The following RPH3AL variants were observed in gnomAD, a reference collection of about 807,000 sequenced individuals.
The protein encoded by RPH3AL is rab effector Noc2.
A neutral mutation model predicts 43.1 loss-of-function variants in RPH3AL; 38 were observed. The observed-to-expected ratio is 0.88, with a 90% confidence interval of 0.68 to 1.15. The LOEUF (loss-of-function observed/expected upper bound fraction) is 1.15, where lower values mean the gene tolerates loss of function less well. Among genes scored for constraint, RPH3AL ranks in the 50% most tolerant of loss-of-function variants. The pLI is 0.00. For synonymous variants in RPH3AL, 189 were observed against 176.3 expected, an observed-to-expected ratio of 1.07 and a Z score of -0.57; for missense variants, 462 against 423.2, an observed-to-expected ratio of 1.09 and a Z score of -0.81.
At position 246,924 on chromosome 17, in the gene RPH3AL, C is replaced by T. The variant is rs1321653825; in HGVS notation, c.613+187G>A. 1.3e-5 allele frequency among the ~76,000 whole-genome samples: 2 copies of T among 152,246 alleles called. No individual in the cohort carries two copies. Among genetic ancestry groups the T allele is most frequent in the Non-Finnish European group, 2.9e-5 (2 of 68,044 alleles). On this transcript the variant is annotated intron_variant, in intron 7 of 9. Transcript: ENST00000331302. This position sits in a 1 kb window ranked among gnomAD's most constrained non-coding sequence, Gnocchi z 4.8. Reference sequence around the variant, plus strand: ...ACTCCTGCACAGAGCGAACAGTCACCTGCTGGAGGTCCCCGCTGCTCACTC... The same window carrying T: ...ACTCCTGCACAGAGCGAACAGTCACTTGCTGGAGGTCCCCGCTGCTCACTC...
At chr17:228,306 G>A (rs1194232396) in intron 7 of RPH3AL, among the ~76,000 whole-genome samples, 1 of 152,142 alleles carries the variant, frequency 6.6e-6, no homozygotes, top group Non-Finnish European at 1.5e-5. Flanking sequence ...GTCTCCCAAA[G>A]TGCTGAGATT....
At chr17:351,888 G>A (rs1598179949) in intron 1 of RPH3AL, among the ~76,000 whole-genome samples, 1 of 152,302 alleles carries the variant, frequency 6.6e-6, no homozygotes, top group Middle Eastern at 3.4e-3. Context: ...GCCTGACGAG[G>A]TAAACCTATA....
chr17:284,390 C>T (rs952085056), intron 5 of RPH3AL, among the ~76,000 whole-genome samples: 6 of 152,254 alleles, frequency 3.9e-5, no homozygotes, highest in East Asian at 3.9e-4. Context: ...CAGGCTGGTG[C>T]GCACGGCTCT....
chr17:317,295 T>C (rs111764301), intron 5 of RPH3AL, among the ~76,000 whole-genome samples: 10,401 of 129,596 alleles, frequency 0.08, 1,009 homozygotes, highest in African/African-American at 0.24. Context: ...AGTCTCTCTG[T>C]CCCACCTCCA....
intron 1 of RPH3AL, among the ~76,000 whole-genome samples, chr17:346,857 AAAC>A (rs1360952089): frequency 1.5e-5 from 2 of 136,124 alleles, no homozygotes; most frequent in Admixed American, 1.4e-4. Flanking sequence ...TTGCAAATTA[AAAC>A]AACAAGATAC....
chr17:291,312 G>A (rs1357737135), intron 5 of RPH3AL, among the ~76,000 whole-genome samples: 1 of 152,126 alleles, frequency 6.6e-6, no homozygotes, highest in Non-Finnish European at 1.5e-5. Context: ...GGCCGAGGTG[G>A]GGGGATTTCT....
Position 272,967 on chromosome 17 carries a change from T to TGACGTCAGGGA in RPH3AL, c.438+8800_438+8801insTCCCTGACGTC, listed in dbSNP as rs2042522417. Reference sequence around the variant, plus strand: ...GACCCCAGCAAGGGCTACGTCAGGGTGAGACCCCAGCAAGGGCTACGTCAG... The same window carrying TGACGTCAGGGA: ...GACCCCAGCAAGGGCTACGTCAGGGTGACGTCAGGGAGAGACCCCAGCAAGGGCTACGTCAG... On this transcript the variant is annotated intron_variant, in intron 6 of 9. Transcript: ENST00000331302. 1.6e-4 allele frequency among the ~76,000 whole-genome samples: 8 copies of TGACGTCAGGGA among 50,456 alleles called. 1 individual carries two copies. Among genetic ancestry groups the TGACGTCAGGGA allele is most frequent in the African/African-American group, 5.4e-4 (6 of 11,068 alleles). 33.1% of individuals were successfully genotyped at this position (50,456 alleles called of 152,430 possible).
In RPH3AL at chr17:274,723, C is replaced by T. The variant is rs960536462; in HGVS notation, c.438+7045G>A. 6.6e-6 allele frequency among the ~76,000 whole-genome samples: 1 copy of T among 152,098 alleles called. No homozygotes were observed. The highest frequency in any genetic ancestry group is 1.5e-5 in the Non-Finnish European group (1 of 68,016). On this transcript the variant is annotated intron_variant, in intron 6 of 9. Coordinates refer to ENST00000331302, the MANE Select transcript of RPH3AL (RefSeq NM_006987.4). This position sits in a 1 kb window ranked among gnomAD's most constrained non-coding sequence, Gnocchi z 4.7. ...GACCAAGGGAGGGGCTATGAGGAGA[C>T]GCCTTGGAGTCAATCCTGGGTCTGC...
Position 246,180 on chromosome 17 carries a change from G to A in RPH3AL, c.613+931C>T, listed in dbSNP as rs763217020. The stretch of plus-strand genomic sequence containing the variant: ...GATGGTCAGATGTCAGGTCACAACC[G>A]AAGACCAGGATGTCGCAAAGCCCCT... On this transcript the variant is annotated intron_variant, in intron 7 of 9. Coordinates refer to ENST00000331302, the MANE Select transcript of RPH3AL (RefSeq NM_006987.4). The surrounding 1 kb of genome is among the most constrained non-coding windows in gnomAD (Gnocchi z 4.8). Among the ~76,000 whole-genome samples the A allele has an allele frequency of 3.9e-5, 6 of 152,154 alleles. No individual in the cohort carries two copies. The highest frequency in any genetic ancestry group is 7.2e-5 in the African/African-American group (3 of 41,436).
chr17:244,819 G>A (rs1555539055), intron 7 of RPH3AL, among the ~76,000 whole-genome samples: 2 of 152,246 alleles, frequency 1.3e-5, no homozygotes, highest in African/African-American at 4.8e-5. Context: ...TCCCCAGGGT[G>A]TGCGCATGTG....
chr17:296,720 T>G (rs894691816), intron 5 of RPH3AL, among the ~76,000 whole-genome samples: 3 of 152,204 alleles, frequency 2.0e-5, no homozygotes, highest in African/African-American at 7.2e-5. Context: ...TCACGCCCGC[T>G]TTTTTCAAAC....
chr17:228,738 A>G (rs2041160754), intron 7 of RPH3AL, among the ~76,000 whole-genome samples: 1 of 152,092 alleles, frequency 6.6e-6, no homozygotes, highest in Admixed American at 6.5e-5. Context: ...AGGATGCCCC[A>G]GGGTCCTGCC....
At position 322,257 on chromosome 17, in the gene RPH3AL, G is replaced by C. The variant is rs1199713619; in HGVS notation, c.78-842C>G. The C allele has an allele frequency of 1.3e-5, 2 of 152,252 alleles. No homozygotes were observed. The highest frequency in any genetic ancestry group is 4.8e-5 in the African/African-American group (2 of 41,420). The allele number at this position is 152,252 out of a possible 1,614,324, so 9.4% of individuals were successfully genotyped here. On this transcript the variant is annotated intron_variant, in intron 3 of 9. Transcript: ENST00000331302. The surrounding 1 kb of genome is among the most constrained non-coding windows in gnomAD (Gnocchi z 4.0). ...GACTCAAACTCCTTCTATTTTTCTG[G>C]ACAGGGAGAGAGTGGCAGCAGCAGA...
In RPH3AL at chr17:213,736, T is replaced by C; in HGVS notation, c.*116A>G. On this transcript the variant is annotated 3_prime_UTR_variant, in exon 10 of 10. Coordinates refer to ENST00000331302, the MANE Select transcript of RPH3AL (RefSeq NM_006987.4). ...AGGCAGACGGCTCCCAACACTGGTT[T>C]GTTGAGTCATGGCCAACAGGGTGTC... 2 of 822,136 alleles carry C rather than the reference T, an allele frequency of 2.4e-6. No homozygotes were observed. Among genetic ancestry groups the C allele is most frequent in the Non-Finnish European group, 4.1e-6 (2 of 489,904 alleles). 50.9% of individuals were successfully genotyped at this position (822,136 alleles called of 1,614,324 possible).
chr17:345,674 C>CTG lies in RPH3AL; in HGVS notation c.-213+7036_-213+7037dup, dbSNP rs2045222655. On this transcript the variant is annotated intron_variant, in intron 1 of 9. Coordinates refer to ENST00000331302, the MANE Select transcript of RPH3AL (RefSeq NM_006987.4). ...CTGCTGGGGCACGCGTGCTCCCCAT[C>CTG]TGCGCGCACACCCTGCTGGGGCACG... is the stretch of plus-strand genomic sequence containing the variant. Among the ~76,000 whole-genome samples, 4 of 75,742 alleles carry CTG rather than the reference C, an allele frequency of 5.3e-5. 2 individuals are homozygous for CTG. The highest frequency in any genetic ancestry group is 1.4e-4 in the Non-Finnish European group (4 of 27,636). The allele number at this position is 75,742 out of a possible 152,430, so 49.7% of individuals were successfully genotyped here. A position where few individuals can be genotyped will look rare whatever the true frequency, so the allele number is the denominator to read the frequency against.
chr17:321,209 C>A (rs2032406898), intron 4 of RPH3AL, 63 bp downstream of exon 4: 2 of 1,562,222 alleles, frequency 1.3e-6, no homozygotes, highest in Non-Finnish European at 1.7e-6. Flanking sequence ...GCCTCCCAGT[C>A]CCCTGCGCTT....
intron 7 of RPH3AL, among the ~76,000 whole-genome samples, chr17:230,204 A>G (rs2041200086): frequency 6.6e-6 from 1 of 151,998 alleles, no homozygotes; most frequent in African/African-American, 2.4e-5. Flanking sequence ...TTTACCATCG[A>G]TTTTCATTTA....
intron 5 of RPH3AL, among the ~76,000 whole-genome samples, chr17:312,135 C>G (rs1442000835): frequency 6.6e-6 from 1 of 151,872 alleles, no homozygotes; most frequent in Non-Finnish European, 1.5e-5. Flanking sequence ...TACCCTGTCT[C>G]TACAAAAAAT....
In RPH3AL at chr17:344,579, C is replaced by T. The variant is rs574205019; in HGVS notation, c.-213+8133G>A. Among the ~76,000 whole-genome samples, 333 of 133,348 alleles carry T rather than the reference C, an allele frequency of 2.5e-3. 79 individuals carry two copies. Among genetic ancestry groups the T allele is most frequent in the Non-Finnish European group, 4.3e-3 (253 of 58,618 alleles). 87.5% of individuals were successfully genotyped at this position (133,348 alleles called of 152,430 possible). On this transcript the variant is annotated intron_variant, in intron 1 of 9. Coordinates refer to ENST00000331302, the MANE Select transcript of RPH3AL (RefSeq NM_006987.4). ...TCATCACCAACACCACTATCATCGC[C>T]CTCATCATCACCATCATTGTCAATC...
Sources: gnomAD v4.1 joint callset for allele counts (sites outside exome capture counted in the v4.1 genomes callset) on GRCh38, gnomAD v4.1.1 for gene constraint, Gnocchi (gnomAD v3.1) non-coding constraint, MANE v1.5 for transcripts, NCBI Gene and HGNC (gene_info 2026-07-23, HGNC 2026-07-21) for gene names.